HCN1: variants seen among roughly 807,000 people sequenced by gnomAD.
HCN1 encodes the protein hyperpolarization activated cyclic nucleotide gated potassium channel 1, also known as potassium/sodium hyperpolarization-activated cyclic nucleotide-gated channel 1.
A neutral mutation model predicts 78.9 loss-of-function variants in HCN1; 13 were observed. The ratio of observed to expected loss-of-function variants is 0.16; its 90% CI spans 0.11 to 0.26. The LOEUF (loss-of-function observed/expected upper bound fraction) is 0.26. Ranked by LOEUF, HCN1 falls within the 10% of genes least tolerant of loss-of-function variation. The pLI is 1.00. For synonymous variants in HCN1, 552 were observed against 455.5 expected, an observed-to-expected ratio of 1.21 and a Z score of -2.70; for missense variants, 810 against 1,154.3, an observed-to-expected ratio of 0.70 and a Z score of 4.32.
At chr5:45,691,604 G>T (rs1245895403) in intron 1 of HCN1, among the ~76,000 whole-genome samples, 1 of 152,076 alleles carries the variant, frequency 6.6e-6, no homozygotes, top group African/African-American at 2.4e-5. Context: ...GTTAATTTTG[G>T]CTATGTTGAT....
At chr5:45,480,821 A>C (rs987453697) in intron 2 of HCN1, among the ~76,000 whole-genome samples, 2 of 152,206 alleles carry the variant, frequency 1.3e-5, no homozygotes, top group African/African-American at 2.4e-5. Context: ...CAATATTATA[A>C]ATACTGGATT....
intron 2 of HCN1, among the ~76,000 whole-genome samples, chr5:45,497,003 T>G (rs1217170087): frequency 2.0e-5 from 3 of 152,184 alleles, no homozygotes; most frequent in African/African-American, 7.2e-5. Context: ...TTCCATGTAG[T>G]TGAGCGGCTT....
At chr5:45,380,332 G>C (rs762544081) in intron 4 of HCN1, among the ~76,000 whole-genome samples, 1 of 151,980 alleles carries the variant, frequency 6.6e-6, no homozygotes, top group Non-Finnish European at 1.5e-5. Flanking sequence ...TTCCCAAAAG[G>C]CTCCCTCTTA....
At chr5:45,515,420 A>G (rs923042963) in intron 2 of HCN1, among the ~76,000 whole-genome samples, 3 of 152,024 alleles carry the variant, frequency 2.0e-5, no homozygotes, top group African/African-American at 7.2e-5. Flanking sequence ...TTGCTTACTG[A>G]ATATTTGTTG....
chr5:45,373,993 AATATATATTATATACATAATATATATT>A (rs1227870781), intron 4 of HCN1, among the ~76,000 whole-genome samples: 195 of 81,542 alleles, frequency 2.4e-3, no homozygotes, highest in African/African-American at 9.2e-3. Flanking sequence ...TAATATATAT[AATATATATTATATACATAATATATATT>A]ATATATATTA....
rs1185839411 is a variant in HCN1, at chr5:45,261,141, C to T, written c.*780G>A. ...TGAAGTGAAGCAATAAAACTAAATTCTTAAACAATGACTTTTACCTTCATA... is the reference window on the plus strand; with the variant it reads ...TGAAGTGAAGCAATAAAACTAAATTTTTAAACAATGACTTTTACCTTCATA... On this transcript the variant is annotated 3_prime_UTR_variant, in exon 8 of 8. Transcript: ENST00000303230. 6.6e-6 allele frequency: 1 copy of T among 152,566 alleles called. No individual in the cohort carries two copies. Among genetic ancestry groups the T allele is most frequent in the African/African-American group, 2.4e-5 (1 of 41,438 alleles). 9.5% of individuals were successfully genotyped at this position (152,566 alleles called of 1,614,324 possible).
chr5:45,438,587 C>T (rs1158599388), intron 3 of HCN1, among the ~76,000 whole-genome samples: 7 of 145,230 alleles, frequency 4.8e-5, no homozygotes, highest in Admixed American at 4.2e-4. Context: ...GAGACTCCGT[C>T]TCAAAAAAAA....
intron 2 of HCN1, among the ~76,000 whole-genome samples, chr5:45,614,848 T>C (rs533449205): frequency 1.3e-5 from 2 of 152,004 alleles, no homozygotes; most frequent in African/African-American, 4.8e-5. Flanking sequence ...ACACTCCAGA[T>C]TATGTCACCC....
chr5:45,438,247 T>G (rs1740599174), intron 3 of HCN1, among the ~76,000 whole-genome samples: 1 of 152,140 alleles, frequency 6.6e-6, no homozygotes, highest in Non-Finnish European at 1.5e-5. Context: ...AAGCTGGAGT[T>G]AAACTGATAG....
At chr5:45,324,388 A>C (rs758070866) in intron 5 of HCN1, among the ~76,000 whole-genome samples, 2 of 151,896 alleles carry the variant, frequency 1.3e-5, no homozygotes, top group Non-Finnish European at 2.9e-5. Context: ...GCAGCCAAAA[A>C]ACACATGAAA....
Position 45,414,493 on chromosome 5 carries a change from G to T in HCN1, c.1012-17783C>A, listed in dbSNP as rs140937457. Among the ~76,000 whole-genome samples the T allele has an allele frequency of 2.4e-3, 358 of 152,088 alleles. 2 individuals are homozygous for T. Among genetic ancestry groups the T allele is most frequent in the Admixed American group, 7.0e-3 (106 of 15,224 alleles). ...TGAATTCATTTAACCTGAGTATGCT[G>T]CTGATAAAACATGTTTTCTCTGAAT... On this transcript the variant is annotated intron_variant, in intron 3 of 7. Coordinates refer to ENST00000303230, the MANE Select transcript of HCN1 (RefSeq NM_021072.4).
chr5:45,517,464 T>A (rs1742534726), intron 2 of HCN1, among the ~76,000 whole-genome samples: 1 of 143,004 alleles, frequency 7.0e-6, no homozygotes, highest in Non-Finnish European at 1.5e-5. Flanking sequence ...GTATACATTA[T>A]CACATAGCCT....
chr5:45,319,320 G>A (rs547766821), intron 5 of HCN1, among the ~76,000 whole-genome samples: 1 of 152,038 alleles, frequency 6.6e-6, no homozygotes, highest in South Asian at 2.1e-4. Flanking sequence ...ATCAACAGGT[G>A]ATGTTTCAGT....
intron 5 of HCN1, among the ~76,000 whole-genome samples, chr5:45,351,305 G>A (rs1471504646): frequency 6.8e-6 from 1 of 146,564 alleles, no homozygotes; most frequent in Non-Finnish European, 1.5e-5. Flanking sequence ...AATGGTGCTG[G>A]GAAAAGTGGC....
At chr5:45,580,015 A>G (rs1292702061) in intron 2 of HCN1, among the ~76,000 whole-genome samples, 1 of 152,090 alleles carries the variant, frequency 6.6e-6, no homozygotes, top group Non-Finnish European at 1.5e-5. Flanking sequence ...TAATTGAAAG[A>G]TATATACTGG....
At chr5:45,615,962 C>T (rs1179101238) in intron 2 of HCN1, among the ~76,000 whole-genome samples, 1 of 151,080 alleles carries the variant, frequency 6.6e-6, no homozygotes, top group Middle Eastern at 3.4e-3. Context: ...AATAAAAGAA[C>T]GTCTATAAAG....
chr5:45,406,561 A>G (rs1389135619), intron 3 of HCN1, among the ~76,000 whole-genome samples: 1 of 152,214 alleles, frequency 6.6e-6, no homozygotes, highest in Non-Finnish European at 1.5e-5. Context: ...GATCTGTCTG[A>G]ACCACACTAT....
chr5:45,490,686 C>G (rs534081655), intron 2 of HCN1, among the ~76,000 whole-genome samples: 2 of 152,206 alleles, frequency 1.3e-5, no homozygotes, highest in East Asian at 3.9e-4. Context: ...ACATTGCATG[C>G]CTGTATCAAA....
chr5:45,387,870 A>G (rs1747959048), intron 4 of HCN1, among the ~76,000 whole-genome samples: 1 of 152,196 alleles, frequency 6.6e-6, no homozygotes, highest in Non-Finnish European at 1.5e-5. Flanking sequence ...AATTAGGCAC[A>G]GTAAGAGACG....
Sources: gnomAD v4.1 joint callset for allele counts (sites outside exome capture counted in the v4.1 genomes callset) on GRCh38, gnomAD v4.1.1 for gene constraint, MANE v1.5 for transcripts, NCBI Gene and HGNC (gene_info 2026-07-23, HGNC 2026-07-21) for gene names.